NUDCD2: variants seen among roughly 807,000 people sequenced by gnomAD.
NUDCD2 encodes the protein nudC domain-containing protein 2.
NUDCD2 carries 16 observed loss-of-function variants against 20.8 expected under a neutral mutation model. The ratio of observed to expected loss-of-function variants is 0.77; its 90% CI spans 0.52 to 1.17. The LOEUF (loss-of-function observed/expected upper bound fraction) is 1.17. Among genes scored for constraint, NUDCD2 ranks in the 50% most tolerant of loss-of-function variants. The probability of loss-of-function intolerance (pLI) is 0.00; values close to 1 mark genes in which losing one functional copy is unlikely to be tolerated. For synonymous variants in NUDCD2, 87 were observed against 72.8 expected (o/e 1.20, Z -1.00); for missense variants, 199 against 193.9 (o/e 1.03, Z -0.16).
Position 163,453,779 on chromosome 5 carries a change from A to G in NUDCD2, c.*188T>C. Reference sequence around the variant, plus strand: ...TCCAAAACAACTTTACCATATATCCATAGAATAGTTCCCACAGTACATTTC... The same window carrying G: ...TCCAAAACAACTTTACCATATATCCGTAGAATAGTTCCCACAGTACATTTC... On this transcript the variant is annotated 3_prime_UTR_variant, in exon 4 of 4. Transcript: ENST00000302764. The G allele has an allele frequency of 2.5e-6, 1 of 396,282 alleles. No individual in the cohort carries two copies. Among genetic ancestry groups the G allele is most frequent in the Non-Finnish European group, 4.6e-6 (1 of 217,620 alleles). 24.5% of individuals were successfully genotyped at this position (396,282 alleles called of 1,614,324 possible). A position where few individuals can be genotyped will look rare whatever the true frequency, so the allele number is the denominator to read the frequency against.
intron 3 of NUDCD2, among the ~76,000 whole-genome samples, chr5:163,454,292 C>T (rs1290779024): frequency 6.6e-6 from 1 of 152,100 alleles, no homozygotes; most frequent in Non-Finnish European, 1.5e-5. Flanking sequence ...GAAACATATA[C>T]TTCAATAAAA....
chr5:163,447,808 T>C lies in NUDCD2; in HGVS notation c.*6159A>G, dbSNP rs1366404075. ...AACAGCAAGAAAATCTCCAAACACT[T>C]GGAAATTAAACAACACATTTCTAAA... is the stretch of plus-strand genomic sequence containing the variant. On this transcript the variant is annotated 3_prime_UTR_variant, in exon 4 of 4. Coordinates refer to ENST00000302764, the MANE Select transcript of NUDCD2 (RefSeq NM_145266.6). 3 of 152,148 alleles carry C rather than the reference T, an allele frequency of 2.0e-5. No homozygotes were observed. Among genetic ancestry groups the C allele is most frequent in the African/African-American group, 7.2e-5 (3 of 41,434 alleles). 9.4% of individuals were successfully genotyped at this position (152,148 alleles called of 1,614,324 possible).
At chr5:163,457,743 A>G in intron 1 of NUDCD2, 133 bp from the exon 2 acceptor site, 1 of 624,452 alleles carries the variant, frequency 1.6e-6, no homozygotes, top group Non-Finnish European at 2.9e-6. Flanking sequence ...TTATAGGTGC[A>G]CAACCCTAAA....
chr5:163,452,756 C>T lies in NUDCD2; in HGVS notation c.*1211G>A, dbSNP rs1272751313. 1.3e-5 allele frequency: 2 copies of T among 152,106 alleles called. No individual in the cohort carries two copies. The highest frequency in any genetic ancestry group is 2.9e-5 in the Non-Finnish European group (2 of 68,022). 9.4% of individuals were successfully genotyped at this position (152,106 alleles called of 1,614,324 possible). A position where few individuals can be genotyped will look rare whatever the true frequency, so the allele number is the denominator to read the frequency against. On this transcript the variant is annotated 3_prime_UTR_variant, in exon 4 of 4. Transcript: ENST00000302764. ...TCACATTCCTGCCAAAGATGAATAA[C>T]CTCAATCTAATCATGAAGTATCAGA...
Position 163,459,999 on chromosome 5 carries a change from A to T in NUDCD2, c.52T>A (p.Trp18Arg), listed in dbSNP as rs1169884914. Residue 18 changes from tryptophan (W) to arginine (R), a missense_variant, in exon 1 of 4, where the codon TGG becomes AGG. By Grantham distance (101) the Trp-to-Arg change is moderately radical (BLOSUM62 -3). Transcript: ENST00000302764. ...RSGVVPCGTP[W>R]GQWYQTLEEV... ...TCCAAGGTCTGGTACCACTGGCCCC[A>T]CGGGGTCCCGCACGGTACCACCCCA... is the stretch of plus-strand genomic sequence containing the variant. 2 of 1,612,966 alleles carry T rather than the reference A, an allele frequency of 1.2e-6. No homozygotes were observed. Among genetic ancestry groups the T allele is most frequent in the Non-Finnish European group, 1.7e-6 (2 of 1,179,636 alleles).
In NUDCD2 at chr5:163,452,982, G is replaced by A. The variant is rs1482176044; in HGVS notation, c.*985C>T. ...ACAATCAGTTCAATGTGAATGAAGT[G>A]AAGATCTGAGGATTAGAGGGTAGTA... is the stretch of plus-strand genomic sequence containing the variant. On this transcript the variant is annotated 3_prime_UTR_variant, in exon 4 of 4. Coordinates refer to ENST00000302764, the MANE Select transcript of NUDCD2 (RefSeq NM_145266.6). The A allele has an allele frequency of 2.0e-5, 3 of 152,204 alleles. No individual in the cohort carries two copies. Among genetic ancestry groups the A allele is most frequent in the Non-Finnish European group, 4.4e-5 (3 of 68,024 alleles). The allele number at this position is 152,204 out of a possible 1,614,324, so 9.4% of individuals were successfully genotyped here. A position where few individuals can be genotyped will look rare whatever the true frequency, so the allele number is the denominator to read the frequency against.
In NUDCD2 at chr5:163,447,075, G is replaced by A. The variant is rs1758054788; in HGVS notation, c.*6892C>T. On this transcript the variant is annotated 3_prime_UTR_variant, in exon 4 of 4. Coordinates refer to ENST00000302764, the MANE Select transcript of NUDCD2 (RefSeq NM_145266.6). Reference sequence around the variant, plus strand: ...GTTAGGAACAACCAAAATTGCCAAGGATAATTAGGGACATTATATAATGAT... The same window carrying A: ...GTTAGGAACAACCAAAATTGCCAAGAATAATTAGGGACATTATATAATGAT... 1 of 152,134 alleles carries A rather than the reference G, an allele frequency of 6.6e-6. No individual in the cohort carries two copies. The highest frequency in any genetic ancestry group is 2.4e-5 in the African/African-American group (1 of 41,414). 9.4% of individuals were successfully genotyped at this position (152,134 alleles called of 1,614,324 possible).
In NUDCD2 at chr5:163,453,675, T is replaced by C. The variant is rs1758234531; in HGVS notation, c.*292A>G. The C allele has an allele frequency of 4.9e-6, 1 of 204,188 alleles. No homozygotes were observed. Among genetic ancestry groups the C allele is most frequent in the Non-Finnish European group, 9.8e-6 (1 of 102,494 alleles). 12.6% of individuals were successfully genotyped at this position (204,188 alleles called of 1,614,324 possible). A position where few individuals can be genotyped will look rare whatever the true frequency, so the allele number is the denominator to read the frequency against. On this transcript the variant is annotated 3_prime_UTR_variant, in exon 4 of 4. Coordinates refer to ENST00000302764, the MANE Select transcript of NUDCD2 (RefSeq NM_145266.6). The stretch of plus-strand genomic sequence containing the variant: ...ATTTCACATGATCTATACTCTAATG[T>C]TCTTTTGTATTAAAAATATGGTTAA...
chr5:163,454,570 A>T (rs1051481802), intron 3 of NUDCD2, among the ~76,000 whole-genome samples: 1 of 151,942 alleles, frequency 6.6e-6, no homozygotes, highest in Non-Finnish European at 1.5e-5. Flanking sequence ...TGAACTCCCA[A>T]CCTCCGGTGA....
chr5:163,459,854 G>A lies in NUDCD2; in HGVS notation c.189+8C>T. 1 of 1,591,990 alleles carries A rather than the reference G, an allele frequency of 6.3e-7. No individual in the cohort carries two copies. The highest frequency in any genetic ancestry group is 8.5e-7 in the Non-Finnish European group (1 of 1,169,708). On this transcript the variant is annotated splice_region_variant and intron_variant, in intron 1 of 3. Transcript: ENST00000302764. ...GGAAACTGAACACAAGCCCCGAGCT[G>A]CCGCTACCTTGAGGATCTCGCGGCC... is the stretch of plus-strand genomic sequence containing the variant.
In NUDCD2 at chr5:163,458,579, C is replaced by T. The variant is rs115318731; in HGVS notation, c.190-969G>A. ...GCACCCCAGCATGGGAGACAGGGAC[C>T]CTGTCTCAATAAATATATATTTTTT... On this transcript the variant is annotated intron_variant, in intron 1 of 3. Coordinates refer to ENST00000302764, the MANE Select transcript of NUDCD2 (RefSeq NM_145266.6). Among the ~76,000 whole-genome samples, 403 of 151,940 alleles carry T rather than the reference C, an allele frequency of 2.7e-3. 3 individuals are homozygous for T. Among genetic ancestry groups the T allele is most frequent in the African/African-American group, 9.1e-3 (378 of 41,406 alleles).
chr5:163,448,981 A>G lies in NUDCD2; in HGVS notation c.*4986T>C, dbSNP rs1313062891. Reference sequence around the variant, plus strand: ...GACAAAGGGAATTTAAGAAAAGCCTACAGCTTGCATACATAATGGTCAAAA... The same window carrying G: ...GACAAAGGGAATTTAAGAAAAGCCTGCAGCTTGCATACATAATGGTCAAAA... On this transcript the variant is annotated 3_prime_UTR_variant, in exon 4 of 4. Transcript: ENST00000302764. 6.6e-6 allele frequency: 1 copy of G among 152,234 alleles called. No individual in the cohort carries two copies. Among genetic ancestry groups the G allele is most frequent in the Non-Finnish European group, 1.5e-5 (1 of 68,036 alleles). The allele number at this position is 152,234 out of a possible 1,614,324, so 9.4% of individuals were successfully genotyped here.
chr5:163,449,191 T>C lies in NUDCD2; in HGVS notation c.*4776A>G, dbSNP rs1758116022. On this transcript the variant is annotated 3_prime_UTR_variant, in exon 4 of 4. Transcript: ENST00000302764. ...TAACAACAAAATCAGGCAAGAAAAATCATAGACTAAAAAGAATAAAATAAA... is the reference window on the plus strand; with the variant it reads ...TAACAACAAAATCAGGCAAGAAAAACCATAGACTAAAAAGAATAAAATAAA... 1 of 151,770 alleles carries C rather than the reference T, an allele frequency of 6.6e-6. No individual in the cohort carries two copies. The highest frequency in any genetic ancestry group is 2.4e-5 in the African/African-American group (1 of 41,290). The allele number at this position is 151,770 out of a possible 1,614,324, so 9.4% of individuals were successfully genotyped here.
rs368381995 is a variant in NUDCD2 at position 163,456,993 on chromosome 5, G to C, written c.326C>G (p.Ala109Gly). ...CWTSLLESEY[A>G]ADPWVQDQMQ... ...TTGGTCTTGCACCCAAGGATCCGCT[G>C]CATATTCAGATTCTAGTAGAGAAGT... Residue 109 changes from alanine to glycine, a missense_variant, in exon 3 of 4, where the codon GCA (alanine) becomes GGA (glycine). Ala to Gly is a moderately conservative substitution (Grantham distance 60). Coordinates refer to ENST00000302764, the MANE Select transcript of NUDCD2 (RefSeq NM_145266.6). The C allele has an allele frequency of 2.5e-6, 4 of 1,613,060 alleles. No individual in the cohort carries two copies. The South Asian group carries it at 4.4e-5, about 18-fold the overall frequency.
chr5:163,456,496 G>C (rs1407345785), intron 3 of NUDCD2, among the ~76,000 whole-genome samples: 2 of 151,428 alleles, frequency 1.3e-5, no homozygotes, highest in Non-Finnish European at 2.9e-5. Context: ...GCAACAAGAA[G>C]AACAATACAC....
Position 163,460,102 on chromosome 5 carries a change from C to T in NUDCD2, c.-52G>A. ...CACCAGGCGGAGCCGAGCGCACGCGCGGAATCCCACGCTTAGGCTACGCCT... is the reference window on the plus strand; with the variant it reads ...CACCAGGCGGAGCCGAGCGCACGCGTGGAATCCCACGCTTAGGCTACGCCT... On this transcript the variant is annotated 5_prime_UTR_variant, in exon 1 of 4. Transcript: ENST00000302764. 2.7e-6 allele frequency: 4 copies of T among 1,472,434 alleles called. No individual in the cohort carries two copies. The highest frequency in any genetic ancestry group is 3.6e-6 in the Non-Finnish European group (4 of 1,102,424). 91.2% of individuals were successfully genotyped at this position (1,472,434 alleles called of 1,614,324 possible). A position where few individuals can be genotyped will look rare whatever the true frequency, so the allele number is the denominator to read the frequency against.
At chr5:163,454,419 A>G (rs1758251075) in intron 3 of NUDCD2, among the ~76,000 whole-genome samples, 1 of 152,104 alleles carries the variant, frequency 6.6e-6, no homozygotes, top group South Asian at 2.1e-4. Flanking sequence ...TCAGCTCACC[A>G]TAATCTCTGC....
chr5:163,457,422 T>A (rs2113426214), intron 2 of NUDCD2, 140 bp downstream of exon 2: 1 of 631,618 alleles, frequency 1.6e-6, no homozygotes, highest in Middle Eastern at 4.0e-4. Flanking sequence ...ACTAGGTAAC[T>A]TTGACATACA....
chr5:163,459,893 G>A lies in NUDCD2; in HGVS notation c.158C>T (p.Ala53Val), dbSNP rs1326656351. Residue 53 changes from alanine (A) to valine (V), a missense_variant, in exon 1 of 4, where the codon GCG becomes GTG. Coordinates refer to ENST00000302764, the MANE Select transcript of NUDCD2 (RefSeq NM_145266.6). Reference sequence around the variant, plus strand: ...GATCTCGCGGCCGCCCACCGACAGCGCCACATGCCGGCTCTGGAGGCCGCA... The same window carrying A: ...GATCTCGCGGCCGCCCACCGACAGCACCACATGCCGGCTCTGGAGGCCGCA... ...IQCGLQSRHV[A>V]LSVGGREILK... The A allele has an allele frequency of 6.2e-7, 1 of 1,608,844 alleles. No homozygotes were observed. Among genetic ancestry groups the A allele is most frequent in the Non-Finnish European group, 8.5e-7 (1 of 1,178,102 alleles).
Sources: allele counts gnomAD v4.1 joint callset (sites outside exome capture counted in the v4.1 genomes callset), GRCh38; gene constraint gnomAD v4.1.1; transcripts MANE v1.5; gene names NCBI Gene and HGNC (gene_info 2026-07-23, HGNC 2026-07-21).